Variants in ABLIM1 observed in about 807,000 individuals in gnomAD.
ABLIM1 encodes the protein actin-binding LIM protein 1.
ABLIM1 carries 40 observed loss-of-function variants against 107.0 expected under a neutral mutation model. That is an observed-to-expected ratio of 0.37 (90% CI 0.29 to 0.49). The LOEUF is 0.49. Ranked by LOEUF, ABLIM1 falls within the 20% of genes least tolerant of loss-of-function variation. The pLI is 0.97. For missense variants in ABLIM1, 857 were observed against 1,008.5 expected (o/e 0.85, Z 2.04); for synonymous variants, 357 against 357.3 (o/e 1.00, Z 0.01).
chr10:114,769,414 GAAAA>G (rs2082982482), upstream of ABLIM1, among the ~76,000 whole-genome samples: 2 of 47,730 alleles, frequency 4.2e-5, no homozygotes, highest in African/African-American at 2.1e-4. Flanking sequence ...AAGAAAGAAA[GAAAA>G]GAAGGAAAGA....
intron 6 of ABLIM1, among the ~76,000 whole-genome samples, chr10:114,506,187 A>G (rs899526052): frequency 5.3e-5 from 8 of 152,316 alleles, no homozygotes; most frequent in African/African-American, 1.9e-4. Context: ...TGCGAAGGAC[A>G]TGATTTTGTT....
intron 4 of ABLIM1, among the ~76,000 whole-genome samples, chr10:114,565,788 C>CTTTTTTTTTTTTTT (rs577896964): frequency 4.9e-5 from 5 of 101,072 alleles, no homozygotes; most frequent in Non-Finnish European, 7.8e-5. Context: ...GAAATGATTT[C>CTTTTTTTTTTTTTT]TTTTTTTTTT....
intron 4 of ABLIM1, among the ~76,000 whole-genome samples, chr10:114,557,671 GTTTTT>G (rs61108195): frequency 1.4e-5 from 1 of 72,484 alleles, no homozygotes. Flanking sequence ...ATAGTGAGGT[GTTTTT>G]TTTTTTTTTT....
Position 114,432,669 on chromosome 10 carries a change from A to G in ABLIM1, c.*3591T>C, listed in dbSNP as rs951773162. ...ATTGATATACTGGATTGGGATGGAG[A>G]GGATGAGAACTGAAAAAGAACTGCT... On this transcript the variant is annotated 3_prime_UTR_variant, in exon 23 of 23. Coordinates refer to ENST00000533213, the MANE Select transcript of ABLIM1 (RefSeq NM_002313.7). The G allele has an allele frequency of 6.6e-6, 1 of 152,138 alleles. No homozygotes were observed. Among genetic ancestry groups the G allele is most frequent in the African/African-American group, 2.4e-5 (1 of 41,420 alleles). The allele number at this position is 152,138 out of a possible 1,614,324, so 9.4% of individuals were successfully genotyped here.
rs1023622017 is a variant in ABLIM1 at position 114,667,030 on chromosome 10, A to G, written c.64+17260T>C. Among the ~76,000 whole-genome samples the G allele has an allele frequency of 2.0e-5, 3 of 152,092 alleles. No individual in the cohort carries two copies. In the South Asian group the frequency reaches 6.2e-4, roughly 32 times the overall value. On this transcript the variant is annotated intron_variant, in intron 1 of 23. Transcript: ENST00000369256. ...AAAAAGCACCACTGTCCACGTCTCC[A>G]CCCTCCAGCAAAACAGAACAAAACA... is the stretch of plus-strand genomic sequence containing the variant.
intron 6 of ABLIM1, among the ~76,000 whole-genome samples, chr10:114,539,576 T>C (rs912743069): frequency 2.6e-5 from 4 of 152,168 alleles, no homozygotes; most frequent in African/African-American, 4.8e-5. Context: ...CCCTTATAAA[T>C]TTGGGAGTCC....
chr10:114,493,725 C>A (rs1188575306), intron 6 of ABLIM1, among the ~76,000 whole-genome samples: 1 of 152,120 alleles, frequency 6.6e-6, no homozygotes, highest in African/African-American at 2.4e-5. Flanking sequence ...AAGATCTACA[C>A]AAAGCAAATT....
intron 6 of ABLIM1, among the ~76,000 whole-genome samples, chr10:114,501,672 AT>A (rs1329538092): frequency 4.6e-5 from 7 of 152,226 alleles, no homozygotes; most frequent in African/African-American, 1.7e-4. Flanking sequence ...ATTTTTTAAA[AT>A]TTAGCAGACT....
intron 8 of ABLIM1, among the ~76,000 whole-genome samples, chr10:114,477,230 A>G (rs2056592470): frequency 6.6e-6 from 1 of 152,230 alleles, no homozygotes; most frequent in African/African-American, 2.4e-5. Flanking sequence ...TGAAACTAAA[A>G]GAGAAATATT....
intron 4 of ABLIM1, among the ~76,000 whole-genome samples, chr10:114,550,620 T>C (rs1322568579): frequency 6.6e-6 from 1 of 152,154 alleles, no homozygotes; most frequent in Non-Finnish European, 1.5e-5. Context: ...ATTCTGAGTT[T>C]GGACAAAGGT....
chr10:114,570,121 T>C (rs548578997), intron 4 of ABLIM1, among the ~76,000 whole-genome samples: 1 of 152,324 alleles, frequency 6.6e-6, no homozygotes, highest in African/African-American at 2.4e-5. Flanking sequence ...AAGAGGTTTA[T>C]TCCAAATCTC....
chr10:114,617,172 G>A (rs941352289), intron 1 of ABLIM1, among the ~76,000 whole-genome samples: 2 of 151,862 alleles, frequency 1.3e-5, no homozygotes, highest in African/African-American at 2.4e-5. Flanking sequence ...AGTGAAGGGC[G>A]TTCAGCCTCT....
Position 114,619,600 on chromosome 10 carries a change from G to A in ABLIM1, c.245-17639C>T, listed in dbSNP as rs528432867. ...GATGAACAGCTGGTCACTGAGGGAT[G>A]GGACGATGCATGGCAGATAGTCCTG... On this transcript the variant is annotated intron_variant, in intron 1 of 22. Coordinates refer to ENST00000533213, the MANE Select transcript of ABLIM1 (RefSeq NM_002313.7). The surrounding 1 kb of genome is among the most constrained non-coding windows in gnomAD (Gnocchi z 4.1). 6.6e-6 allele frequency among the ~76,000 whole-genome samples: 1 copy of A among 152,196 alleles called. No homozygotes were observed. The highest frequency in any genetic ancestry group is 1.5e-5 in the Non-Finnish European group (1 of 68,034).
chr10:114,782,119 C>T, the ABLIM1 span, among the ~76,000 whole-genome samples: 4 of 152,088 alleles, frequency 2.6e-5, no homozygotes, highest in African/African-American at 9.7e-5. Context: ...AGCCACCTTC[C>T]AGACACAAGT....
At chr10:114,643,944 A>C (rs892440132) in intron 1 of ABLIM1, among the ~76,000 whole-genome samples, 2 of 151,420 alleles carry the variant, frequency 1.3e-5, no homozygotes, top group Admixed American at 6.6e-5. Context: ...TTTCTACAGC[A>C]TGTTTCTTTC....
At chr10:114,607,828 A>T (rs766175975) in intron 1 of ABLIM1, among the ~76,000 whole-genome samples, 10 of 152,208 alleles carry the variant, frequency 6.6e-5, no homozygotes, top group Middle Eastern at 3.2e-3. Context: ...GTGATGACTA[A>T]ACGTAATGTG....
chr10:114,773,184 T>C, the ABLIM1 span, among the ~76,000 whole-genome samples: 2 of 151,998 alleles, frequency 1.3e-5, no homozygotes, highest in Admixed American at 6.6e-5. Context: ...CTAAGAATAT[T>C]ATAAAATACA....
chr10:114,782,775 G>A, the ABLIM1 span, among the ~76,000 whole-genome samples: 1 of 151,990 alleles, frequency 6.6e-6, no homozygotes, highest in African/African-American at 2.4e-5. Flanking sequence ...GATGATGGTA[G>A]CCCAAAATGT....
At chr10:114,482,985 CA>C (rs2057609637) in intron 8 of ABLIM1, among the ~76,000 whole-genome samples, 1 of 152,118 alleles carries the variant, frequency 6.6e-6, no homozygotes, top group Non-Finnish European at 1.5e-5. Context: ...GGCTTCTTGC[CA>C]AGTGGAAGCA....
Sources: allele counts gnomAD v4.1 joint callset (sites outside exome capture counted in the v4.1 genomes callset), GRCh38; gene constraint gnomAD v4.1.1; non-coding constraint Gnocchi (gnomAD v3.1); transcripts MANE v1.5; gene names NCBI Gene and HGNC (gene_info 2026-07-23, HGNC 2026-07-21).